The following ARRB1 variants were observed in gnomAD, a reference collection of about 807,000 sequenced individuals.
The protein encoded by ARRB1 is arrestin beta 1.
In ARRB1, 21 loss-of-function variants were observed where a neutral mutation model predicts 56.8. The observed-to-expected ratio is 0.37, with a 90% CI of 0.26 to 0.53. The LOEUF (loss-of-function observed/expected upper bound fraction) is 0.53, where lower values mean the gene tolerates loss of function less well. Ranked by LOEUF, ARRB1 falls within the 20% of genes least tolerant of loss-of-function variation. The pLI, the probability that ARRB1 is intolerant of heterozygous loss-of-function variation, is 0.88. For missense variants in ARRB1, 424 were observed against 553.7 expected, an observed-to-expected ratio of 0.77 and a Z score of 2.35; for synonymous variants, 210 against 218.6, an observed-to-expected ratio of 0.96 and a Z score of 0.35.
chr11:75,315,281 C>T (rs1284597058), intron 1 of ARRB1, among the ~76,000 whole-genome samples: 1 of 152,112 alleles, frequency 6.6e-6, no homozygotes, highest in African/African-American at 2.4e-5. Context: ...CTGGTGACCA[C>T]CTCGCTATGG....
intron 1 of ARRB1, among the ~76,000 whole-genome samples, chr11:75,330,454 G>A (rs1947504515): frequency 6.6e-6 from 1 of 152,000 alleles, no homozygotes; most frequent in African/African-American, 2.4e-5. Flanking sequence ...GCTGGCCCCT[G>A]GCTATATGTA....
At chr11:75,270,115 A>G (rs558653685) in intron 13 of ARRB1, among the ~76,000 whole-genome samples, 2 of 152,380 alleles carry the variant, frequency 1.3e-5, no homozygotes, top group East Asian at 1.9e-4. Flanking sequence ...ACTGAGCTCA[A>G]CTTGGAACAA....
At chr11:75,298,539 T>A (rs899971362) in intron 1 of ARRB1, among the ~76,000 whole-genome samples, 6 of 152,132 alleles carry the variant, frequency 3.9e-5, no homozygotes, top group African/African-American at 1.4e-4. Flanking sequence ...GGATAATAAG[T>A]GTGGACAGGA....
At position 75,303,248 on chromosome 11, in the gene ARRB1, C is replaced by T. The variant is rs529953359; in HGVS notation, c.21-13209G>A. 1.5e-3 allele frequency among the ~76,000 whole-genome samples: 234 copies of T among 152,270 alleles called. 1 individual carries two copies. Among genetic ancestry groups the T allele is most frequent in the Non-Finnish European group, 2.7e-3 (186 of 68,020 alleles). The stretch of plus-strand genomic sequence containing the variant: ...AACTCCTGACCTCAAGTGATCCGCC[C>T]ATCTCAGCCTCCCAAAGTGTTGGGA... On this transcript the variant is annotated intron_variant, in intron 1 of 15. Coordinates refer to ENST00000420843, the MANE Select transcript of ARRB1 (RefSeq NM_004041.5).
chr11:75,309,940 C>T (rs530960568), intron 1 of ARRB1, among the ~76,000 whole-genome samples: 15 of 152,224 alleles, frequency 9.9e-5, no homozygotes, highest in African/African-American at 3.6e-4. Flanking sequence ...CCAAACCTTC[C>T]ACTTGCTCCT....
intron 13 of ARRB1, 155 bp downstream of exon 13, chr11:75,271,546 G>A: frequency 2.6e-6 from 2 of 779,904 alleles, no homozygotes; most frequent in Non-Finnish European, 2.0e-6. Context: ...TTGTTAAGGA[G>A]AAATTGTGTC....
At position 75,274,200 on chromosome 11, in the gene ARRB1, G is replaced by A. The variant is rs1331426604; in HGVS notation, c.788C>T (p.Ala263Val). The A allele has an allele frequency of 2.5e-6, 4 of 1,613,978 alleles. No individual in the cohort carries two copies. Among genetic ancestry groups the A allele is most frequent in the African/African-American group, 1.3e-5 (1 of 74,908 alleles). ...GACCTTGCAGAACGTCGAGCTGGGT[G>A]CCACAGTGTCACTGGGAAGAAAGGA... Reference protein sequence around the residue: ...VAMEEADDTVAPSSTFCKVYT... With the variant: ...VAMEEADDTVVPSSTFCKVYT... Residue 263 changes from alanine (A) to valine (V), a missense_variant, in exon 11 of 16, where the codon GCA becomes GTA. Ala to Val is a moderately conservative substitution (Grantham distance 64). Around this residue, in one of 3 missense-constraint regions of ARRB1, gnomAD observed 301 missense variants for 387.9 expected, o/e 0.78. Transcript: ENST00000420843.
In ARRB1 at chr11:75,261,664, C is replaced by A. The variant is rs1945794222; in HGVS notation, c.*4499G>T. On this transcript the variant is annotated 3_prime_UTR_variant, in exon 16 of 16. Transcript: ENST00000420843. ...TGATGGGGGGAGGATGTTTCCCCTT[C>A]AACAGGGCGTGTCTTTGAAGCCGCT... is the stretch of plus-strand genomic sequence containing the variant. 6.6e-6 allele frequency: 1 copy of A among 152,154 alleles called. No homozygotes were observed. The highest frequency in any genetic ancestry group is 6.5e-5 in the Admixed American group (1 of 15,278). The allele number at this position is 152,154 out of a possible 1,614,324, so 9.4% of individuals were successfully genotyped here.
At chr11:75,334,111 C>T (rs899562380) in intron 1 of ARRB1, among the ~76,000 whole-genome samples, 2 of 152,120 alleles carry the variant, frequency 1.3e-5, no homozygotes, top group Non-Finnish European at 2.9e-5. Flanking sequence ...GTGGGCAGAC[C>T]ACAAGGTCAG....
At chr11:75,317,424 C>T (rs113529508) in intron 1 of ARRB1, among the ~76,000 whole-genome samples, 4 of 152,232 alleles carry the variant, frequency 2.6e-5, no homozygotes, top group East Asian at 3.9e-4. Flanking sequence ...CAACCCCCGA[C>T]GGCATCCTCA....
chr11:75,330,963 C>G (rs1947510858), intron 1 of ARRB1, among the ~76,000 whole-genome samples: 1 of 152,238 alleles, frequency 6.6e-6, no homozygotes, highest in South Asian at 2.1e-4. Flanking sequence ...CCTGGTGACA[C>G]AGCTCCTGCA....
chr11:75,267,719 G>T lies in ARRB1; in HGVS notation c.1094-16C>A. 5.2e-6 allele frequency: 8 copies of T among 1,551,686 alleles called. No individual in the cohort carries two copies. The highest frequency in any genetic ancestry group is 7.1e-6 in the Non-Finnish European group (8 of 1,128,522). On this transcript the variant is annotated splice_polypyrimidine_tract_variant and intron_variant, in intron 14 of 15. Coordinates refer to ENST00000420843, the MANE Select transcript of ARRB1 (RefSeq NM_004041.5). The stretch of plus-strand genomic sequence containing the variant: ...TTCTCTGGAACTAAACACAGGGTGG[G>T]TGGGCAGGGTGTCCAGGGATTAGTG...
chr11:75,326,547 G>A (rs983718902), intron 1 of ARRB1, among the ~76,000 whole-genome samples: 1 of 151,716 alleles, frequency 6.6e-6, no homozygotes, highest in African/African-American at 2.4e-5. Context: ...ACACAGCTTG[G>A]GCAGTGTGGG....
chr11:75,303,472 A>G (rs1242995273), intron 1 of ARRB1: 1 of 420,278 alleles, frequency 2.4e-6, no homozygotes, highest in Non-Finnish European at 4.8e-6. Flanking sequence ...CCTTGGCTTA[A>G]AGTGCTCTTG....
intron 1 of ARRB1, among the ~76,000 whole-genome samples, chr11:75,334,070 G>A (rs983013906): frequency 2.0e-5 from 3 of 152,144 alleles, no homozygotes; most frequent in South Asian, 4.1e-4. Context: ...GGTGGCTCAC[G>A]CTTGTAATCC....
At chr11:75,277,126 C>T (rs1337903026) in intron 9 of ARRB1, among the ~76,000 whole-genome samples, 1 of 152,254 alleles carries the variant, frequency 6.6e-6, no homozygotes, top group Non-Finnish European at 1.5e-5. Context: ...TCAAGGACAG[C>T]TTTGTCCAGA....
intron 1 of ARRB1, among the ~76,000 whole-genome samples, chr11:75,346,975 G>A (rs551294213): frequency 2.0e-5 from 3 of 152,230 alleles, no homozygotes; most frequent in South Asian, 2.1e-4. Flanking sequence ...TGGTAGGCGC[G>A]GGCACTCTGG....
chr11:75,277,289 G>A, intron 9 of ARRB1, 75 bp downstream of exon 9: 1 of 1,423,106 alleles, frequency 7.0e-7, no homozygotes, highest in Non-Finnish European at 9.9e-7. Flanking sequence ...AACAAGGGGA[G>A]ATACTTCAGC....
rs544628566 is a variant in ARRB1, at chr11:75,261,585, T to C, written c.*4578A>G. On this transcript the variant is annotated 3_prime_UTR_variant, in exon 16 of 16. Transcript: ENST00000420843. ...CCACTGTGTCAGTGTCTACAAACCA[T>C]AGGCCCCACGGACCTGTGCTTTGAC... 5.3e-5 allele frequency: 8 copies of C among 152,342 alleles called. No homozygotes were observed. In the East Asian group the frequency reaches 1.4e-3, roughly 26 times the overall value. The allele number at this position is 152,342 out of a possible 1,614,324, so 9.4% of individuals were successfully genotyped here.
Sources: allele counts gnomAD v4.1 joint callset (sites outside exome capture counted in the v4.1 genomes callset), GRCh38; gene constraint gnomAD v4.1.1; regional missense constraint gnomAD v4.1.1; transcripts MANE v1.5; gene names NCBI Gene and HGNC (gene_info 2026-07-23, HGNC 2026-07-21).